NCAM1: variants seen among roughly 807,000 people sequenced by gnomAD.
NCAM1 encodes the protein antigen recognized by monoclonal antibody 5.1H11.
A neutral mutation model predicts 109.8 loss-of-function variants in NCAM1; 14 were observed. That is an observed-to-expected ratio of 0.13 (90% confidence interval 0.08 to 0.20). NCAM1 has a LOEUF of 0.20. Among genes scored for constraint, NCAM1 ranks in the 10% least tolerant of loss-of-function variants. NCAM1 has a pLI of 1.00. For synonymous variants in NCAM1, 418 were observed against 442.9 expected (o/e 0.94, Z 0.70); for missense variants, 774 against 1,109.9 (o/e 0.70, Z 4.30).
chr11:112,969,299 A>G (rs1245647763), intron 1 of NCAM1, among the ~76,000 whole-genome samples: 1 of 152,178 alleles, frequency 6.6e-6, no homozygotes, highest in Non-Finnish European at 1.5e-5. Flanking sequence ...CTTTAAATGG[A>G]AACTGAGACT....
At chr11:113,252,552 A>G (rs1945713666) in intron 15 of NCAM1, among the ~76,000 whole-genome samples, 1 of 152,194 alleles carries the variant, frequency 6.6e-6, no homozygotes, top group Admixed American at 6.5e-5. Context: ...AGTGCCTAAT[A>G]GACTACCTGG....
At chr11:112,984,655 G>C (rs1951247010) in intron 1 of NCAM1, among the ~76,000 whole-genome samples, 1 of 151,850 alleles carries the variant, frequency 6.6e-6, no homozygotes. Flanking sequence ...TAGCACTGTT[G>C]AGCACCTTTT....
At position 113,232,155 on chromosome 11, in the gene NCAM1, T is replaced by C; in HGVS notation, c.1241-15T>C. ...TCATGGCAGTCATCCTGACAGTCAT[T>C]GTTATTTATTGCAGATGCCCCAAAG... is the stretch of plus-strand genomic sequence containing the variant. On this transcript the variant is annotated splice_polypyrimidine_tract_variant and intron_variant, in intron 10 of 19. Transcript: ENST00000316851. The C allele has an allele frequency of 6.4e-7, 1 of 1,569,506 alleles. No homozygotes were observed. The highest frequency in any genetic ancestry group is 8.6e-7 in the Non-Finnish European group (1 of 1,159,340).
intron 17 of NCAM1, chr11:113,262,860 A>C (rs1565537129): frequency 1.2e-6 from 2 of 1,613,872 alleles, no homozygotes; most frequent in East Asian, 4.5e-5. Context: ...CTTGGGAGGC[A>C]ATTCTGCATC....
In NCAM1 at chr11:113,273,336, G is replaced by T; in HGVS notation, c.2456+1460G>T. ...CGGGGAGGCCTCTAAGGCTCCTCCG[G>T]CCAGCAAGCCCACCCCTGCACCAGT... On this transcript the variant is annotated intron_variant, in intron 19 of 19. Transcript: ENST00000316851. This position sits in a 1 kb window ranked among gnomAD's most constrained non-coding sequence, Gnocchi z 6.0. 1 of 340,614 alleles carries T rather than the reference G, an allele frequency of 2.9e-6. No homozygotes were observed. Among genetic ancestry groups the T allele is most frequent in the Non-Finnish European group, 5.8e-6 (1 of 171,382 alleles). 21.1% of individuals were successfully genotyped at this position (340,614 alleles called of 1,614,324 possible).
intron 1 of NCAM1, among the ~76,000 whole-genome samples, chr11:113,138,699 G>C (rs11214512): frequency 0.12 from 18,877 of 152,114 alleles, 1,292 homozygotes; most frequent in East Asian, 0.26. Flanking sequence ...TAATCTTGCT[G>C]ATTGTACAAC....
rs1591360764 is a variant in NCAM1, at chr11:113,140,126, C to G, written c.53-62253C>G. Among the ~76,000 whole-genome samples, 3 of 152,304 alleles carry G rather than the reference C, an allele frequency of 2.0e-5. No homozygotes were observed. In the South Asian group the frequency reaches 6.2e-4, roughly 32 times the overall value. Reference sequence around the variant, plus strand: ...ACAGGACAAAGATGAAGAAACAGCGCCCATTGTCATGGAAGTACATTTGTG... The same window carrying G: ...ACAGGACAAAGATGAAGAAACAGCGGCCATTGTCATGGAAGTACATTTGTG... On this transcript the variant is annotated intron_variant, in intron 1 of 19. Coordinates refer to ENST00000316851, the MANE Select transcript of NCAM1 (RefSeq NM_181351.5).
intron 1 of NCAM1, among the ~76,000 whole-genome samples, chr11:113,093,092 C>T (rs1202000198): frequency 1.3e-5 from 2 of 152,138 alleles, no homozygotes; most frequent in African/African-American, 4.8e-5. Context: ...GAAGAACAAA[C>T]ACCGAGCATT....
At chr11:112,978,164 A>T (rs533109538) in intron 1 of NCAM1, among the ~76,000 whole-genome samples, 4 of 151,754 alleles carry the variant, frequency 2.6e-5, no homozygotes, top group Admixed American at 6.6e-5. Flanking sequence ...TATGTATCCG[A>T]AAAGAGGTAG....
intron 1 of NCAM1, among the ~76,000 whole-genome samples, chr11:113,137,027 G>A (rs924741315): frequency 6.6e-5 from 10 of 152,160 alleles, no homozygotes; most frequent in Non-Finnish European, 1.0e-4. Flanking sequence ...AGAGAGTCAC[G>A]TTTCAATTAA....
intron 1 of NCAM1, among the ~76,000 whole-genome samples, chr11:112,993,341 T>A (rs1248474306): frequency 6.6e-6 from 1 of 152,118 alleles, no homozygotes; most frequent in Non-Finnish European, 1.5e-5. Context: ...GCCATACACT[T>A]AAATGACCAG....
intron 1 of NCAM1, among the ~76,000 whole-genome samples, chr11:113,142,510 G>C (rs966088352): frequency 3.9e-5 from 6 of 152,150 alleles, no homozygotes; most frequent in Non-Finnish European, 8.8e-5. Context: ...CTGCCTAGGG[G>C]ACAGGTACCA....
intron 1 of NCAM1, among the ~76,000 whole-genome samples, chr11:113,121,240 T>TTTTTTGTGG (rs1940943301): frequency 6.7e-6 from 1 of 149,712 alleles, no homozygotes; most frequent in Non-Finnish European, 1.5e-5. Context: ...TTTTTTTTTT[T>TTTTTTGTGG]GAGACAGTCT....
At chr11:112,964,129 G>GTTT (rs782504184) in intron 1 of NCAM1, among the ~76,000 whole-genome samples, 5 of 123,890 alleles carry the variant, frequency 4.0e-5, no homozygotes, top group African/African-American at 6.1e-5. Context: ...TATATCTGAG[G>GTTT]TTTTTTTTTT....
At chr11:112,989,744 A>G (rs782809713) in intron 1 of NCAM1, among the ~76,000 whole-genome samples, 1 of 152,170 alleles carries the variant, frequency 6.6e-6, no homozygotes, top group Non-Finnish European at 1.5e-5. Flanking sequence ...CATATCTTCT[A>G]GTCTTTTTTT....
intron 9 of NCAM1, among the ~76,000 whole-genome samples, chr11:113,227,036 C>T (rs570311865): frequency 6.6e-6 from 1 of 152,244 alleles, no homozygotes; most frequent in South Asian, 2.1e-4. Flanking sequence ...GAAGCAAGAG[C>T]AAACACATTC....
At position 113,232,721 on chromosome 11, in the gene NCAM1, A is replaced by C; in HGVS notation, c.1429A>C (p.Thr477Pro). Residue 477 changes from threonine to proline, a missense_variant, in exon 12 of 20, where the codon ACC (threonine) becomes CCC (proline). Physicochemically the swap from Thr to Pro is conservative, Grantham distance 38. Transcript: ENST00000316851. ...CAATAGCTTCTTCCTTCTAAAGGTGACCCCAGACTCTGAGAATGATTTTGG... is the reference window on the plus strand; with the variant it reads ...CAATAGCTTCTTCCTTCTAAAGGTGCCCCCAGACTCTGAGAATGATTTTGG... ...NTPSASYLEV[T>P]PDSENDFGNY... 1 of 1,612,380 alleles carries C rather than the reference A, an allele frequency of 6.2e-7. No individual in the cohort carries two copies. The highest frequency in any genetic ancestry group is 8.5e-7 in the Non-Finnish European group (1 of 1,178,492).
rs369876391 is a variant in NCAM1, at chr11:113,189,660, G to A, written c.53-12719G>A. ...AAAGCACATTATGACATTGTGCCTT[G>A]GGGGTGAGGGGCTGTCTTTAATGTT... On this transcript the variant is annotated intron_variant, in intron 1 of 19. Transcript: ENST00000316851. 1.2e-4 allele frequency among the ~76,000 whole-genome samples: 19 copies of A among 152,052 alleles called. No homozygotes were observed. In the East Asian group the frequency reaches 3.7e-3, roughly 30 times the overall value.
chr11:113,177,660 C>T (rs546786772), intron 1 of NCAM1, among the ~76,000 whole-genome samples: 12 of 152,160 alleles, frequency 7.9e-5, no homozygotes, highest in South Asian at 6.2e-4. Flanking sequence ...CTCAAACTCC[C>T]GACCTCAGGT....
Sources: allele counts gnomAD v4.1 joint callset (sites outside exome capture counted in the v4.1 genomes callset), GRCh38; gene constraint gnomAD v4.1.1; non-coding constraint Gnocchi (gnomAD v3.1); transcripts MANE v1.5; gene names NCBI Gene and HGNC (gene_info 2026-07-23, HGNC 2026-07-21).